POLA1: variants seen among roughly 807,000 people sequenced by gnomAD.
POLA1 encodes the protein DNA polymerase alpha 1, catalytic subunit, also known as DNA polymerase alpha catalytic subunit.
A neutral mutation model predicts 124.0 loss-of-function variants in POLA1; 15 were observed. The observed-to-expected ratio is 0.12, with a 90% CI of 0.08 to 0.19. POLA1 has a LOEUF of 0.19. Ranked by LOEUF, POLA1 falls within the 10% of genes least tolerant of loss-of-function variation. POLA1 has a pLI of 1.00. For missense variants in POLA1, 886 were observed against 1,103.4 expected, an observed-to-expected ratio of 0.80 and a Z score of 2.79; for synonymous variants, 408 against 389.4, an observed-to-expected ratio of 1.05 and a Z score of -0.56.
intron 35 of POLA1, among the ~76,000 whole-genome samples, chrX:24,924,927 G>A (rs942525930): frequency 9.0e-6 from 1 of 111,203 alleles, no homozygotes; most frequent in East Asian, 2.8e-4. Flanking sequence ...CTGAAGGGTT[G>A]GAACTTTATC....
At chrX:24,896,382 G>A (rs2147152370) in intron 35 of POLA1, among the ~76,000 whole-genome samples, 1 of 112,337 alleles carries the variant, frequency 8.9e-6, no homozygotes, top group African/African-American at 3.2e-5. Context: ...GGCCCAGGAC[G>A]GCTTTGAATG....
intron 4 of POLA1, among the ~76,000 whole-genome samples, chrX:24,710,168 C>T (rs1216308060): frequency 3.7e-5 from 4 of 109,389 alleles, no homozygotes; most frequent in South Asian, 3.9e-4. Flanking sequence ...AAATTTACCA[C>T]GAGTGACATT....
chrX:24,886,381 G>T (rs750601308), intron 34 of POLA1, among the ~76,000 whole-genome samples: 1 of 112,255 alleles, frequency 8.9e-6, no homozygotes, highest in African/African-American at 3.2e-5. Context: ...AGCCTTGAAT[G>T]AAGGTAGGAA....
At chrX:24,748,537 G>A in intron 25 of POLA1, 77 bp downstream of exon 25, 1 of 830,861 alleles carries the variant, frequency 1.2e-6, no homozygotes, top group Non-Finnish European at 1.7e-6. Flanking sequence ...TAAACAGGAT[G>A]CTGGGCAATT....
chrX:24,801,962 T>TGTGTGTGTGTGTGTGTGA (rs1368649281), intron 26 of POLA1, among the ~76,000 whole-genome samples: 1 of 106,586 alleles, frequency 9.4e-6, no homozygotes, highest in Non-Finnish European at 1.9e-5. Flanking sequence ...TGTGTGTGTG[T>TGTGTGTGTGTGTGTGTGA]GTGTGTGTGA....
At chrX:24,811,061 C>T (rs748981527) in intron 28 of POLA1, among the ~76,000 whole-genome samples, 4 of 110,848 alleles carry the variant, frequency 3.6e-5, no homozygotes, top group South Asian at 3.9e-4. Flanking sequence ...GTGATCCTCC[C>T]GCCTCAGCCT....
intron 26 of POLA1, among the ~76,000 whole-genome samples, chrX:24,790,911 G>GTATATATATA (rs56343314): frequency 8.0e-4 from 63 of 78,268 alleles, no homozygotes; most frequent in African/African-American, 1.6e-3. Context: ...TTATGTATAT[G>GTATATATATA]TATATATATA....
At chrX:24,963,722 T>C (rs2048192862) in intron 36 of POLA1, among the ~76,000 whole-genome samples, 1 of 111,668 alleles carries the variant, frequency 9.0e-6, no homozygotes, top group African/African-American at 3.3e-5. Flanking sequence ...AGAACTCTTA[T>C]TTGTAATCAT....
intron 36 of POLA1, among the ~76,000 whole-genome samples, chrX:24,968,501 C>T (rs1257985382): frequency 3.6e-5 from 4 of 110,477 alleles, no homozygotes; most frequent in East Asian, 2.8e-4. Flanking sequence ...AGATTGAGAC[C>T]ATCCTGGCTA....
chrX:24,725,851 C>A, intron 12 of POLA1, 130 bp from the exon 13 acceptor site: 1 of 440,526 alleles, frequency 2.3e-6, no homozygotes, highest in East Asian at 4.0e-5. Flanking sequence ...GAAAGGGTAC[C>A]TTTTTGGCTT....
At position 24,947,246 on chromosome X, in the gene POLA1, C is replaced by CTTTTTTTTTT. The variant is rs764618354; in HGVS notation, c.4261+16727_4261+16736dup. On this transcript the variant is annotated intron_variant, in intron 36 of 36. Coordinates refer to ENST00000379068, the MANE Select transcript of POLA1 (RefSeq NM_001330360.2). ...CAGCTGGTTGTTTTCCCTGCAGATT[C>CTTTTTTTTTT]TTTTTTTTTTTTTTTTTTTTTTTTT... 6.0e-4 allele frequency among the ~76,000 whole-genome samples: 13 copies of CTTTTTTTTTT among 21,620 alleles called. 3 individuals are homozygous for CTTTTTTTTTT. Among genetic ancestry groups the CTTTTTTTTTT allele is most frequent in the South Asian group, 5.0e-3 (1 of 199 alleles). 18.8% of individuals were successfully genotyped at this position (21,620 alleles called of 115,157 possible). A position where few individuals can be genotyped will look rare whatever the true frequency, so the allele number is the denominator to read the frequency against.
intron 31 of POLA1, among the ~76,000 whole-genome samples, chrX:24,823,457 C>T (rs771350470): frequency 8.3e-5 from 9 of 108,142 alleles, no homozygotes; most frequent in Non-Finnish European, 1.3e-4. Flanking sequence ...GCTGGAGTGC[C>T]GTGGCACCAT....
intron 26 of POLA1, among the ~76,000 whole-genome samples, chrX:24,757,759 G>T (rs1479997186): frequency 9.0e-6 from 1 of 110,979 alleles, no homozygotes; most frequent in Non-Finnish European, 1.9e-5. Flanking sequence ...AACTTTAAGT[G>T]CCGCCATGAT....
chrX:24,818,617 C>T (rs115465249), intron 30 of POLA1, among the ~76,000 whole-genome samples: 102 of 111,843 alleles, frequency 9.1e-4, no homozygotes, highest in African/African-American at 3.2e-3. Context: ...ACCCCAAGAG[C>T]TCGTGTTGAT....
At chrX:24,733,842 C>A in intron 17 of POLA1, 26 bp downstream of exon 17, 1 of 888,244 alleles carries the variant, frequency 1.1e-6, no homozygotes, top group Non-Finnish European at 1.6e-6. Flanking sequence ...TATGAAGCAC[C>A]TGTTTGTTTG....
chrX:24,844,230 A>C (rs1158458577), intron 34 of POLA1, among the ~76,000 whole-genome samples: 4 of 112,098 alleles, frequency 3.6e-5, no homozygotes, highest in African/African-American at 1.3e-4. Flanking sequence ...ATTTTTATAA[A>C]TTTATAGTAA....
At position 24,821,538 on chromosome X, in the gene POLA1, C is replaced by G. The variant is rs200148911; in HGVS notation, c.3516C>G (p.Gly1172=). The change falls in exon 31 of 37, where the codon GGC becomes GGG. Residue 1172 remains glycine, a synonymous_variant. Coordinates refer to ENST00000379068, the MANE Select transcript of POLA1 (RefSeq NM_001330360.2). The stretch of plus-strand genomic sequence containing the variant: ...CCCTCTGGATAAATTCTCAAGGAGG[C>G]AGAAAGGTGAAAGCTGGAGATACTG... ...HVALWINSQG[G]RKVKAGDTVS... is the part of the protein sequence containing the mutation. The G allele has an allele frequency of 4.1e-5, 49 of 1,200,926 alleles. 1 individual carries two copies. In the East Asian group the frequency reaches 8.6e-4, roughly 21 times the overall value.
At chrX:24,986,511 T>C (rs1360296461) in intron 36 of POLA1, among the ~76,000 whole-genome samples, 1 of 109,627 alleles carries the variant, frequency 9.1e-6, no homozygotes, top group Non-Finnish European at 1.9e-5. Context: ...AGCTCACACC[T>C]GTAATCTCAG....
rs1196974412 is a variant in POLA1, at chrX:24,724,465, G to A, written c.1317+14G>A. The A allele has an allele frequency of 6.4e-6, 5 of 775,687 alleles. No individual in the cohort carries two copies. The highest frequency in any genetic ancestry group is 3.3e-5 in the East Asian group (1 of 30,215). 63.9% of individuals were successfully genotyped at this position (775,687 alleles called of 1,213,427 possible). ...TTCAAGTCTAAGGTTTGTATTTGGC[G>A]ATGATTTTTTTCCAGCTCTGTTTGT... On this transcript the variant is annotated intron_variant, in intron 12 of 36. Transcript: ENST00000379068.
Sources: allele counts gnomAD v4.1 joint callset (sites outside exome capture counted in the v4.1 genomes callset), GRCh38; gene constraint gnomAD v4.1.1; transcripts MANE v1.5; gene names NCBI Gene and HGNC (gene_info 2026-07-23, HGNC 2026-07-21).